ADGRL3: variants seen among roughly 807,000 people sequenced by gnomAD.
The protein encoded by ADGRL3 is calcium-independent alpha-latrotoxin receptor 3.
In ADGRL3, 62 loss-of-function variants were observed where a neutral mutation model predicts 153.5. That is an observed-to-expected ratio of 0.40 (90% CI 0.33 to 0.50). The LOEUF is 0.50. Ranked by LOEUF, ADGRL3 falls within the 20% of genes least tolerant of loss-of-function variation. The pLI is 0.47. For missense variants in ADGRL3, 1,641 were observed against 1,859.4 expected, an observed-to-expected ratio of 0.88 and a Z score of 2.16; for synonymous variants, 710 against 672.5, an observed-to-expected ratio of 1.06 and a Z score of -0.86.
intron 2 of ADGRL3, among the ~76,000 whole-genome samples, chr4:61,494,625 A>G (rs143567908): frequency 6.6e-6 from 1 of 152,342 alleles, no homozygotes; most frequent in Non-Finnish European, 1.5e-5. Flanking sequence ...AGAAAACAAA[A>G]TGAAAATGTT....
chr4:61,357,923 G>C (rs1024827537), intron 1 of ADGRL3, among the ~76,000 whole-genome samples: 4 of 152,106 alleles, frequency 2.6e-5, no homozygotes, highest in Non-Finnish European at 5.9e-5. Flanking sequence ...TATAGTCAGT[G>C]GTCAAGGTAC....
At chr4:61,927,123 G>A (rs1312074363) in intron 13 of ADGRL3, among the ~76,000 whole-genome samples, 2 of 152,108 alleles carry the variant, frequency 1.3e-5, no homozygotes, top group Non-Finnish European at 2.9e-5. Flanking sequence ...CCATTACCTT[G>A]AGGGAAGGGA....
chr4:61,717,831 C>T (rs954841328), intron 6 of ADGRL3, among the ~76,000 whole-genome samples: 3 of 151,850 alleles, frequency 2.0e-5, no homozygotes, highest in African/African-American at 7.3e-5. Context: ...ATCAGGAGTT[C>T]GAGATCAGCC....
intron 17 of ADGRL3, among the ~76,000 whole-genome samples, chr4:61,968,724 T>C (rs2099015732): frequency 6.6e-6 from 1 of 152,142 alleles, no homozygotes; most frequent in Admixed American, 6.6e-5. Context: ...CCACTTACCT[T>C]TCTATTAATA....
At chr4:61,493,416 G>A (rs1238823474) in intron 2 of ADGRL3, among the ~76,000 whole-genome samples, 2 of 152,144 alleles carry the variant, frequency 1.3e-5, no homozygotes, top group Non-Finnish European at 2.9e-5. Context: ...AGAAATCATT[G>A]TTAATAACTA....
intron 5 of ADGRL3, among the ~76,000 whole-genome samples, chr4:61,606,690 G>A (rs536542021): frequency 6.6e-6 from 1 of 152,242 alleles, no homozygotes; most frequent in Non-Finnish European, 1.5e-5. Flanking sequence ...TGGGGGCAGG[G>A]AGAGGGGACA....
At chr4:61,910,624 T>G (rs951651428) in intron 12 of ADGRL3, among the ~76,000 whole-genome samples, 2 of 151,976 alleles carry the variant, frequency 1.3e-5, no homozygotes, top group Middle Eastern at 3.4e-3. Flanking sequence ...GTTCAATGAT[T>G]GAAACAATTT....
intron 3 of ADGRL3, among the ~76,000 whole-genome samples, chr4:61,515,236 G>A (rs897983911): frequency 6.6e-6 from 1 of 152,082 alleles, no homozygotes; most frequent in African/African-American, 2.4e-5. Context: ...TAGCCTGGAG[G>A]CCTTTCCTGT....
intron 1 of ADGRL3, among the ~76,000 whole-genome samples, chr4:61,208,277 C>T (rs561332570): frequency 6.6e-6 from 1 of 152,184 alleles, no homozygotes; most frequent in Middle Eastern, 3.4e-3. Flanking sequence ...GGATTTGTGT[C>T]AAGATACCTG....
chr4:61,888,282 A>G (rs927467908), intron 9 of ADGRL3, among the ~76,000 whole-genome samples: 1 of 152,248 alleles, frequency 6.6e-6, no homozygotes, highest in Non-Finnish European at 1.5e-5. Flanking sequence ...TCTGATATAC[A>G]AACACACAAA....
intron 1 of ADGRL3, among the ~76,000 whole-genome samples, chr4:61,311,844 A>G (rs186868978): frequency 6.6e-6 from 1 of 152,274 alleles, no homozygotes; most frequent in Admixed American, 6.5e-5. Flanking sequence ...AGACCCATAT[A>G]TATTTGTACA....
At chr4:61,699,178 A>C (rs942939156) in intron 6 of ADGRL3, among the ~76,000 whole-genome samples, 1 of 152,146 alleles carries the variant, frequency 6.6e-6, no homozygotes, top group African/African-American at 2.4e-5. Context: ...AAATGAGGTG[A>C]AGGAGAAAAC....
intron 1 of ADGRL3, among the ~76,000 whole-genome samples, chr4:61,220,314 T>C (rs1193799696): frequency 6.6e-6 from 1 of 152,110 alleles, no homozygotes; most frequent in Non-Finnish European, 1.5e-5. Flanking sequence ...GGACAAGCTC[T>C]AATAACTTGT....
intron 5 of ADGRL3, among the ~76,000 whole-genome samples, chr4:61,603,339 A>G (rs2099019431): frequency 1.3e-5 from 2 of 152,162 alleles, no homozygotes; most frequent in Non-Finnish European, 2.9e-5. Context: ...TCAAACTCTT[A>G]GGGAAGGGTT....
intron 13 of ADGRL3, among the ~76,000 whole-genome samples, chr4:61,918,309 A>C (rs1228620599): frequency 6.6e-6 from 1 of 152,142 alleles, no homozygotes; most frequent in Non-Finnish European, 1.5e-5. Flanking sequence ...CAGAAAGAGA[A>C]CTCCACTATG....
intron 1 of ADGRL3, among the ~76,000 whole-genome samples, chr4:61,218,641 C>T (rs1470648): frequency 0.42 from 63,275 of 151,974 alleles, 13,517 homozygotes; most frequent in Middle Eastern, 0.53. Flanking sequence ...GCTTCTCATG[C>T]GACACAGTTA....
chr4:61,768,989 TGGG>T (rs545170979), intron 8 of ADGRL3, among the ~76,000 whole-genome samples: 1,679 of 151,710 alleles, frequency 0.011, 31 homozygotes, highest in African/African-American at 0.038. Flanking sequence ...AATAAGTGAT[TGGG>T]GGGTTCTTGC....
intron 24 of ADGRL3, among the ~76,000 whole-genome samples, chr4:62,042,637 T>C (rs1157486032): frequency 2.0e-5 from 3 of 151,922 alleles, no homozygotes; most frequent in Non-Finnish European, 2.9e-5. Context: ...CTAACAATAA[T>C]AACTTCATCA....
At chr4:62,033,991 G>A (rs186347639) in intron 23 of ADGRL3, among the ~76,000 whole-genome samples, 12 of 151,312 alleles carry the variant, frequency 7.9e-5, no homozygotes, top group African/African-American at 1.5e-4. Context: ...TTAATTTTTC[G>A]TGTCTTAACA....
Sources: allele counts gnomAD v4.1 joint callset (sites outside exome capture counted in the v4.1 genomes callset), GRCh38; gene constraint gnomAD v4.1.1; transcripts MANE v1.5; gene names NCBI Gene and HGNC (gene_info 2026-07-23, HGNC 2026-07-21).